DAB1: variants seen among roughly 807,000 people sequenced by gnomAD.
DAB1 encodes the protein disabled homolog 1.
In DAB1, 15 loss-of-function variants were observed where a neutral mutation model predicts 64.6. That is an observed-to-expected ratio of 0.23 (90% CI 0.16 to 0.36). The LOEUF (loss-of-function observed/expected upper bound fraction) is 0.36, where lower values mean the gene tolerates loss of function less well. DAB1 is among the 10% of genes least tolerant of loss of function. The pLI is 1.00. For synonymous variants in DAB1, 235 were observed against 251.9 expected, an observed-to-expected ratio of 0.93 and a Z score of 0.64; for missense variants, 596 against 706.7, an observed-to-expected ratio of 0.84 and a Z score of 1.78.
intron 3 of DAB1, among the ~76,000 whole-genome samples, chr1:58,445,969 G>A (rs1020085495): frequency 6.6e-6 from 1 of 152,072 alleles, no homozygotes; most frequent in African/African-American, 2.4e-5. Context: ...TGGTCTATTA[G>A]GGTAAGCAAC....
At chr1:58,264,192 A>G (rs1399544089) in intron 4 of DAB1, among the ~76,000 whole-genome samples, 1 of 152,240 alleles carries the variant, frequency 6.6e-6, no homozygotes, top group African/African-American at 2.4e-5. Context: ...GCAAGGTCCA[A>G]AGAAAATAAA....
chr1:57,367,204 G>T (rs149300100), intron 1 of DAB1, among the ~76,000 whole-genome samples: 7 of 152,188 alleles, frequency 4.6e-5, no homozygotes, highest in African/African-American at 1.7e-4. Context: ...CAGCCAGGGA[G>T]GCTGAGGCTG....
rs1645561642 is a variant in DAB1 at position 56,994,863 on chromosome 1, C to G, written c.*3281G>C. On this transcript the variant is annotated 3_prime_UTR_variant, in exon 15 of 15. Coordinates refer to ENST00000371236, the MANE Select transcript of DAB1 (RefSeq NM_001365792.1). ...GAAAATTTCTAAAAATTTTGCTGTT[C>G]TGTTGAATGCATTGTACATAAAGTT... is the stretch of plus-strand genomic sequence containing the variant. 6.6e-6 allele frequency: 1 copy of G among 152,142 alleles called. No individual in the cohort carries two copies. The highest frequency in any genetic ancestry group is 2.4e-5 in the African/African-American group (1 of 41,438). The allele number at this position is 152,142 out of a possible 1,614,324, so 9.4% of individuals were successfully genotyped here. A position where few individuals can be genotyped will look rare whatever the true frequency, so the allele number is the denominator to read the frequency against.
intron 5 of DAB1, among the ~76,000 whole-genome samples, chr1:58,149,592 T>A (rs537591792): frequency 1.1e-4 from 17 of 152,196 alleles, no homozygotes; most frequent in Admixed American, 1.1e-3. Flanking sequence ...ACCATCAACC[T>A]GACACAACTC....
At chr1:57,567,531 T>C (rs1202555488) in intron 7 of DAB1, among the ~76,000 whole-genome samples, 1 of 152,166 alleles carries the variant, frequency 6.6e-6, no homozygotes, top group Admixed American at 6.5e-5. Context: ...GAAAACCCCA[T>C]CGTCTCAGCC....
intron 4 of DAB1, among the ~76,000 whole-genome samples, chr1:58,220,991 A>AT (rs10714614): frequency 0.024 from 2,952 of 122,126 alleles, 120 homozygotes; most frequent in African/African-American, 0.084. Flanking sequence ...TATGAGATTG[A>AT]TTTTTTTTTT....
intron 1 of DAB1, among the ~76,000 whole-genome samples, chr1:57,349,916 C>T (rs1048798075): frequency 3.9e-5 from 6 of 152,166 alleles, no homozygotes; most frequent in Non-Finnish European, 7.4e-5. Flanking sequence ...CATCAAGTGG[C>T]CATCCTGACA....
intron 4 of DAB1, among the ~76,000 whole-genome samples, chr1:58,224,645 A>T (rs546387614): frequency 6.6e-6 from 1 of 152,216 alleles, no homozygotes; most frequent in African/African-American, 2.4e-5. Flanking sequence ...TTTGACCCTC[A>T]CAGGAACCTC....
intron 5 of DAB1, among the ~76,000 whole-genome samples, chr1:58,051,245 G>A (rs1004046474): frequency 2.0e-5 from 3 of 149,610 alleles, no homozygotes; most frequent in African/African-American, 5.0e-5. Flanking sequence ...TCCCTGCCCT[G>A]TGTCCAAGTG....
At chr1:58,114,493 C>T (rs369754045) in intron 5 of DAB1, among the ~76,000 whole-genome samples, 17 of 152,202 alleles carry the variant, frequency 1.1e-4, no homozygotes, top group African/African-American at 3.6e-4. Context: ...ACATCCCTAA[C>T]ATGGAGATGG....
chr1:58,360,479 G>A (rs959690232), intron 3 of DAB1, among the ~76,000 whole-genome samples: 1 of 152,134 alleles, frequency 6.6e-6, no homozygotes, highest in African/African-American at 2.4e-5. Flanking sequence ...GAGGCACTGA[G>A]ACTAAGTCCG....
chr1:57,527,067 G>A (rs962270715), intron 7 of DAB1, among the ~76,000 whole-genome samples: 1 of 152,116 alleles, frequency 6.6e-6, no homozygotes, highest in Non-Finnish European at 1.5e-5. Context: ...TCTCTCCTGT[G>A]TTCCAATCCA....
chr1:57,085,489 T>C (rs1032461700), intron 4 of DAB1, among the ~76,000 whole-genome samples: 1 of 152,222 alleles, frequency 6.6e-6, no homozygotes, highest in Non-Finnish European at 1.5e-5. Context: ...TAATGGGGCA[T>C]CTGCCTTGAT....
At chr1:57,119,376 T>C (rs746982913) in intron 4 of DAB1, among the ~76,000 whole-genome samples, 37 of 152,188 alleles carry the variant, frequency 2.4e-4, no homozygotes, top group Non-Finnish European at 5.4e-4. Context: ...ATTTATTTAG[T>C]GTCTTTCCCC....
chr1:57,903,340 A>G (rs1195420384), intron 5 of DAB1, among the ~76,000 whole-genome samples: 1 of 152,168 alleles, frequency 6.6e-6, no homozygotes, highest in Non-Finnish European at 1.5e-5. Flanking sequence ...ATGATCTTCT[A>G]AAAAGAGCTT....
intron 6 of DAB1, among the ~76,000 whole-genome samples, chr1:57,650,892 A>G (rs1290604086): frequency 2.0e-5 from 3 of 152,278 alleles, no homozygotes; most frequent in South Asian, 2.1e-4. Context: ...TTTATGCCTT[A>G]TTAAACTTTG....
At chr1:57,362,858 T>A (rs1679668015) in intron 1 of DAB1, among the ~76,000 whole-genome samples, 1 of 152,072 alleles carries the variant, frequency 6.6e-6, no homozygotes, top group Admixed American at 6.6e-5. Context: ...ACATACAACA[T>A]CTTTTATTCT....
At chr1:57,586,508 A>G (rs1409272775) in intron 7 of DAB1, among the ~76,000 whole-genome samples, 1 of 150,678 alleles carries the variant, frequency 6.6e-6, no homozygotes, top group East Asian at 1.9e-4. Context: ...TTTTTTTTCT[A>G]TAACAACACT....
Position 58,496,169 on chromosome 1 carries a change from C to CTTTTTTTTTTTTTTTTTTTTTTTTT in DAB1, n.257+9890_257+9891insAAAAAAAAAAAAAAAAAAAAAAAAA, listed in dbSNP as rs375006213. On this transcript the variant is annotated intron_variant and non_coding_transcript_variant, in intron 3 of 20. Coordinates refer to the DAB1 transcript ENST00000485760. ...TTCAATATTCTTTCATTTTTTTAGA[C>CTTTTTTTTTTTTTTTTTTTTTTTTT]TTTTTTTTTTTGGCTTTGGGCATTT... 2.1e-5 allele frequency among the ~76,000 whole-genome samples: 3 copies of CTTTTTTTTTTTTTTTTTTTTTTTTT among 144,928 alleles called. 1 individual carries two copies. The East Asian group carries it at 6.4e-4, about 31-fold the overall frequency.
Sources: gnomAD v4.1 joint callset for allele counts (sites outside exome capture counted in the v4.1 genomes callset) on GRCh38, gnomAD v4.1.1 for gene constraint, MANE v1.5 for transcripts, NCBI Gene and HGNC (gene_info 2026-07-23, HGNC 2026-07-21) for gene names.